RGS5: variants seen among roughly 807,000 people sequenced by gnomAD.
RGS5 encodes the protein regulator of G-protein signalling 5.
Under a neutral mutation model 18.9 loss-of-function variants are expected in RGS5, and 20 were observed. The ratio of observed to expected loss-of-function variants is 1.06; its 90% CI spans 0.74 to 1.54. RGS5 has a LOEUF of 1.54. Ranked by LOEUF, RGS5 falls within the 40% of genes most tolerant of loss-of-function variation. The pLI is 0.00. For missense variants in RGS5, 201 were observed against 211.8 expected (o/e 0.95, Z 0.32); for synonymous variants, 57 against 76.2 (o/e 0.75, Z 1.31).
intron 4 of RGS5, among the ~76,000 whole-genome samples, chr1:163,151,659 T>C (rs1271378953): frequency 6.6e-6 from 1 of 152,198 alleles, no homozygotes; most frequent in African/African-American, 2.4e-5. Flanking sequence ...TTATTCTCTC[T>C]CCTGCCACCC....
chr1:163,260,306 G>T (rs1426912414), intron 2 of RGS5: 1 of 152,016 alleles, frequency 6.6e-6, no homozygotes, highest in Non-Finnish European at 1.5e-5. Context: ...ATAAATATTT[G>T]TTTCTTTCAT....
intron 2 of RGS5, among the ~76,000 whole-genome samples, chr1:163,235,290 C>T (rs1381371618): frequency 6.6e-6 from 1 of 152,196 alleles, no homozygotes; most frequent in Non-Finnish European, 1.5e-5. Flanking sequence ...TCTGATACCA[C>T]TCCGCTTAAG....
rs540095294 is a variant in RGS5 at position 163,182,713 on chromosome 1, G to A, written c.45-14345C>T. On this transcript the variant is annotated intron_variant, in intron 1 of 4. Coordinates refer to ENST00000313961, the MANE Select transcript of RGS5 (RefSeq NM_003617.4). ...AGTGGGAAAATTGTCCTCAGGTCAAGGAAGACAGGCATTTATGGTTTATTT... is the reference window on the plus strand; with the variant it reads ...AGTGGGAAAATTGTCCTCAGGTCAAAGAAGACAGGCATTTATGGTTTATTT... Among the ~76,000 whole-genome samples, 6 of 152,312 alleles carry A rather than the reference G, an allele frequency of 3.9e-5. No individual in the cohort carries two copies. The East Asian group carries it at 5.8e-4, about 15-fold the overall frequency.
At chr1:163,236,169 C>T (rs946920364) in intron 2 of RGS5, among the ~76,000 whole-genome samples, 1 of 152,050 alleles carries the variant, frequency 6.6e-6, no homozygotes, top group African/African-American at 2.4e-5. Flanking sequence ...ATTTAAATTG[C>T]CTCTTTCGTC....
intron 2 of RGS5, among the ~76,000 whole-genome samples, chr1:163,166,284 T>G (rs544680255): frequency 6.6e-6 from 1 of 151,274 alleles, no homozygotes; most frequent in African/African-American, 2.4e-5. Flanking sequence ...CAATGGTCCA[T>G]TTTTGTTTTT....
intron 2 of RGS5, among the ~76,000 whole-genome samples, chr1:163,298,621 C>T (rs1214493921): frequency 6.6e-6 from 1 of 152,088 alleles, no homozygotes; most frequent in Non-Finnish European, 1.5e-5. Flanking sequence ...AGGATCTCAT[C>T]AGAAGAAGAG....
intron 4 of RGS5, among the ~76,000 whole-genome samples, chr1:163,149,891 TTAACA>T (rs1172158618): frequency 6.6e-6 from 1 of 152,198 alleles, no homozygotes; most frequent in Non-Finnish European, 1.5e-5. Context: ...AAGCTATGAC[TTAACA>T]TACTTCAGGT....
chr1:163,191,953 C>T (rs1273929170), intron 1 of RGS5, among the ~76,000 whole-genome samples: 1 of 152,104 alleles, frequency 6.6e-6, no homozygotes, highest in Non-Finnish European at 1.5e-5. Context: ...GTTCAGAGAG[C>T]TTCTGGGTTG....
chr1:163,187,027 A>G (rs111426352), intron 1 of RGS5, among the ~76,000 whole-genome samples: 1,928 of 152,302 alleles, frequency 0.013, 17 homozygotes, highest in Non-Finnish European at 0.019. Flanking sequence ...CTCTCGAGCC[A>G]GTATCCATTT....
intron 1 of RGS5, among the ~76,000 whole-genome samples, chr1:163,192,283 T>G (rs1231684402): frequency 6.6e-6 from 1 of 152,092 alleles, no homozygotes; most frequent in East Asian, 1.9e-4. Flanking sequence ...ACCTATGGGA[T>G]ATGACGTTAA....
intron 2 of RGS5, among the ~76,000 whole-genome samples, chr1:163,228,329 C>A (rs1482176772): frequency 6.6e-6 from 1 of 152,250 alleles, no homozygotes; most frequent in African/African-American, 2.4e-5. Flanking sequence ...GACTTCTATG[C>A]ATCCACAGGC....
chr1:163,252,343 G>A (rs901228050), intron 2 of RGS5, among the ~76,000 whole-genome samples: 1 of 152,034 alleles, frequency 6.6e-6, no homozygotes, highest in African/African-American at 2.4e-5. Context: ...CTTTTGTTAG[G>A]TATTTGGTTT....
At chr1:163,180,984 G>A (rs530802015) in intron 1 of RGS5, among the ~76,000 whole-genome samples, 5 of 152,100 alleles carry the variant, frequency 3.3e-5, no homozygotes, top group Admixed American at 6.5e-5. Flanking sequence ...GTGAGCCACC[G>A]CGCCCGCCCC....
chr1:163,145,683 G>A lies in RGS5; in HGVS notation c.*1659C>T, dbSNP rs1183633350. The A allele has an allele frequency of 1.3e-5, 2 of 152,198 alleles. No homozygotes were observed. Among genetic ancestry groups the A allele is most frequent in the East Asian group, 1.9e-4 (1 of 5,194 alleles). 9.4% of individuals were successfully genotyped at this position (152,198 alleles called of 1,614,324 possible). On this transcript the variant is annotated 3_prime_UTR_variant, in exon 5 of 5. Coordinates refer to ENST00000313961, the MANE Select transcript of RGS5 (RefSeq NM_003617.4). ...CAGAATGTGAAATGGCATGTATTCA[G>A]CAGGGCATATTATTCTTGAAGTCAC...
chr1:163,254,765 G>A (rs1195060720), intron 2 of RGS5, among the ~76,000 whole-genome samples: 2 of 151,888 alleles, frequency 1.3e-5, no homozygotes, highest in African/African-American at 4.8e-5. Flanking sequence ...TTCTTCTAGG[G>A]TTTTTATGGT....
chr1:163,144,579 A>G lies in RGS5; in HGVS notation c.*2763T>C, dbSNP rs574339850. The G allele has an allele frequency of 1.3e-5, 2 of 152,720 alleles. No individual in the cohort carries two copies. Among genetic ancestry groups the G allele is most frequent in the Non-Finnish European group, 2.9e-5 (2 of 68,028 alleles). 9.5% of individuals were successfully genotyped at this position (152,720 alleles called of 1,614,324 possible). Reference sequence around the variant, plus strand: ...CAGGGGAGGAAAACGCCAGTACAACAGGGTTCTTGCATCAAGCTTCATGCT... The same window carrying G: ...CAGGGGAGGAAAACGCCAGTACAACGGGGTTCTTGCATCAAGCTTCATGCT... On this transcript the variant is annotated 3_prime_UTR_variant, in exon 5 of 5. Transcript: ENST00000313961.
chr1:163,234,436 CTATAAT>C (rs1199418965), intron 2 of RGS5, among the ~76,000 whole-genome samples: 6 of 152,026 alleles, frequency 3.9e-5, no homozygotes, highest in Admixed American at 1.3e-4. Flanking sequence ...ATATTTGTAC[CTATAAT>C]TATGAGGAAT....
At chr1:163,188,765 C>T (rs993773924) in intron 1 of RGS5, among the ~76,000 whole-genome samples, 3 of 152,100 alleles carry the variant, frequency 2.0e-5, no homozygotes, top group Admixed American at 2.0e-4. Flanking sequence ...CAAGACCATC[C>T]TGGCCAACAT....
At chr1:163,217,733 T>A, upstream of RGS5, 1 of 1,189,096 alleles carries the variant, frequency 8.4e-7, no homozygotes, top group Non-Finnish European at 1.1e-6. Context: ...AGCTACTGAC[T>A]AAAAGTATCC....
Sources: allele counts gnomAD v4.1 joint callset (sites outside exome capture counted in the v4.1 genomes callset), GRCh38; gene constraint gnomAD v4.1.1; transcripts MANE v1.5; gene names NCBI Gene and HGNC (gene_info 2026-07-23, HGNC 2026-07-21).